FMNL2: variants seen among roughly 807,000 people sequenced by gnomAD.
The protein encoded by FMNL2 is formin like 2.
A neutral mutation model predicts 130.2 loss-of-function variants in FMNL2; 51 were observed. The observed-to-expected ratio is 0.39, with a 90% CI of 0.31 to 0.49. The LOEUF (loss-of-function observed/expected upper bound fraction) is 0.49, where lower values mean the gene tolerates loss of function less well. Ranked by LOEUF, FMNL2 falls within the 20% of genes least tolerant of loss-of-function variation. The probability of loss-of-function intolerance (pLI) is 0.85; values close to 1 mark genes in which losing one functional copy is unlikely to be tolerated. For synonymous variants in FMNL2, 465 were observed against 467.1 expected (o/e 1.00, Z 0.06); for missense variants, 977 against 1,316.2 (o/e 0.74, Z 3.99).
chr2:152,430,710 T>G (rs1302986469), intron 1 of FMNL2, among the ~76,000 whole-genome samples: 2 of 152,048 alleles, frequency 1.3e-5, no homozygotes, highest in Non-Finnish European at 2.9e-5. Context: ...TCGTCTCTAC[T>G]GAAATACAAA....
intron 21 of FMNL2, 130 bp from the exon 22 acceptor site, chr2:152,636,297 A>G: frequency 1.1e-6 from 1 of 877,976 alleles, no homozygotes; most frequent in Non-Finnish European, 1.7e-6. Flanking sequence ...TCTGTGCCAA[A>G]AGCTGGAAGC....
intron 1 of FMNL2, among the ~76,000 whole-genome samples, chr2:152,489,750 A>G (rs1171760923): frequency 6.6e-6 from 1 of 152,232 alleles, no homozygotes; most frequent in Admixed American, 6.5e-5. Flanking sequence ...CATTGATTAT[A>G]GTGAACACTT....
intron 1 of FMNL2, among the ~76,000 whole-genome samples, chr2:152,362,855 C>T (rs1683258236): frequency 6.6e-6 from 1 of 152,156 alleles, no homozygotes; most frequent in Non-Finnish European, 1.5e-5. Context: ...TATTTGGCCA[C>T]AGAAAGGAAT....
In FMNL2 at chr2:152,478,253, T is replaced by A. The variant is rs1225457026; in HGVS notation, c.118-43690T>A. 3.3e-3 allele frequency among the ~76,000 whole-genome samples: 368 copies of A among 110,786 alleles called. 1 individual carries two copies. Among genetic ancestry groups the A allele is most frequent in the African/African-American group, 0.012 (294 of 24,752 alleles). 72.7% of individuals were successfully genotyped at this position (110,786 alleles called of 152,430 possible). On this transcript the variant is annotated intron_variant, in intron 1 of 25. Transcript: ENST00000288670. Reference sequence around the variant, plus strand: ...ACATATATATATATATATATATATTTTTTTTTTTTTTTTTTGAGACAGAGT... The same window carrying A: ...ACATATATATATATATATATATATTATTTTTTTTTTTTTTTGAGACAGAGT...
In FMNL2 at chr2:152,514,543, C is replaced by G. The variant is rs531271926; in HGVS notation, c.118-7400C>G. ...TTTTGTACTATTTTATAGTAATCCT[C>G]CCATATCCGTGGGGGATACTTGTCA... On this transcript the variant is annotated intron_variant, in intron 1 of 25. Coordinates refer to ENST00000288670, the MANE Select transcript of FMNL2 (RefSeq NM_052905.4). Among the ~76,000 whole-genome samples, 7 of 152,232 alleles carry G rather than the reference C, an allele frequency of 4.6e-5. No individual in the cohort carries two copies. The South Asian group carries it at 1.4e-3, about 32-fold the overall frequency.
intron 13 of FMNL2, among the ~76,000 whole-genome samples, chr2:152,618,367 T>C (rs928239541): frequency 6.6e-6 from 1 of 152,208 alleles, no homozygotes; most frequent in African/African-American, 2.4e-5. Context: ...CAGCCCCTGG[T>C]TACTCATGAG....
At chr2:152,419,231 A>G (rs1349111824) in intron 1 of FMNL2, among the ~76,000 whole-genome samples, 2 of 152,160 alleles carry the variant, frequency 1.3e-5, no homozygotes, top group African/African-American at 4.8e-5. Context: ...ATGATGTTTG[A>G]ACTCAATGTG....
intron 9 of FMNL2, among the ~76,000 whole-genome samples, chr2:152,592,101 CA>C (rs889822421): frequency 2.0e-5 from 3 of 149,906 alleles, no homozygotes; most frequent in Non-Finnish European, 4.4e-5. Flanking sequence ...GACTTCGTCT[CA>C]AAAAAAAAGA....
At chr2:152,610,687 G>A (rs1033005692) in intron 10 of FMNL2, among the ~76,000 whole-genome samples, 15 of 152,102 alleles carry the variant, frequency 9.9e-5, no homozygotes, top group African/African-American at 1.9e-4. Context: ...TTTGTTTATC[G>A]ATTAATGGAC....
chr2:152,339,704 G>T (rs1681688066), intron 1 of FMNL2, among the ~76,000 whole-genome samples: 1 of 152,188 alleles, frequency 6.6e-6, no homozygotes, highest in Non-Finnish European at 1.5e-5. Context: ...TTTGGTATCT[G>T]ATTAATTTGA....
intron 1 of FMNL2, among the ~76,000 whole-genome samples, chr2:152,486,384 C>T (rs2105260597): frequency 6.6e-6 from 1 of 152,246 alleles, no homozygotes; most frequent in Middle Eastern, 3.4e-3. Flanking sequence ...GGTTAATAGA[C>T]AACTGGGGAC....
At chr2:152,647,330 T>C (rs145561612) in intron 25 of FMNL2, among the ~76,000 whole-genome samples, 147 of 152,338 alleles carry the variant, frequency 9.6e-4, no homozygotes, top group African/African-American at 3.4e-3. Flanking sequence ...AGAGCCCTTA[T>C]CTGCAAACTG....
At chr2:152,404,927 A>G (rs1379381658) in intron 1 of FMNL2, among the ~76,000 whole-genome samples, 1 of 152,196 alleles carries the variant, frequency 6.6e-6, no homozygotes, top group African/African-American at 2.4e-5. Flanking sequence ...GAGCCTCCCT[A>G]CAACAGGCCC....
rs537803514 is a variant in FMNL2, at chr2:152,596,093, G to T, written c.877-11246G>T. Among the ~76,000 whole-genome samples, 19 of 151,736 alleles carry T rather than the reference G, an allele frequency of 1.3e-4. No homozygotes were observed. In the East Asian group the frequency reaches 3.5e-3, roughly 28 times the overall value. On this transcript the variant is annotated intron_variant, in intron 9 of 25. Transcript: ENST00000288670. ...TTCTCCCGCCTCTGCCTCCAGAACG[G>T]CTGGGATTATAGGCATGTGCCACAA...
At chr2:152,593,176 A>G (rs1697528136) in intron 9 of FMNL2, among the ~76,000 whole-genome samples, 1 of 152,208 alleles carries the variant, frequency 6.6e-6, no homozygotes, top group African/African-American at 2.4e-5. Context: ...AAAACATGGC[A>G]AGAGGCAGGC....
intron 1 of FMNL2, among the ~76,000 whole-genome samples, chr2:152,420,737 A>G (rs1161503280): frequency 1.3e-5 from 2 of 152,184 alleles, no homozygotes; most frequent in South Asian, 2.1e-4. Flanking sequence ...AGTGATTTGA[A>G]TGGACCTGAG....
chr2:152,581,514 A>G (rs1201254728), intron 9 of FMNL2, among the ~76,000 whole-genome samples: 1 of 152,234 alleles, frequency 6.6e-6, no homozygotes, highest in African/African-American at 2.4e-5. Flanking sequence ...GCCAAACAAT[A>G]ATGCAACAGT....
At position 152,462,395 on chromosome 2, in the gene FMNL2, A is replaced by AG. The variant is rs201912064; in HGVS notation, c.118-59543dup. Among the ~76,000 whole-genome samples the AG allele has an allele frequency of 6.3e-3, 958 of 152,262 alleles. 13 individuals carry two copies. Among genetic ancestry groups the AG allele is most frequent in the African/African-American group, 0.022 (929 of 41,554 alleles). On this transcript the variant is annotated intron_variant, in intron 1 of 25. Transcript: ENST00000288670. ...AAACATTACTGCACACTGGAATTATAGGGGGATTTTTAAAAAAACCTCTGA... is the reference window on the plus strand; with the variant it reads ...AAACATTACTGCACACTGGAATTATAGGGGGGATTTTTAAAAAAACCTCTGA...
intron 2 of FMNL2, among the ~76,000 whole-genome samples, chr2:152,532,534 GC>G (rs1257855901): frequency 6.6e-6 from 1 of 151,638 alleles, no homozygotes; most frequent in Non-Finnish European, 1.5e-5. Flanking sequence ...CTTTTTATGT[GC>G]CTGTTTGACA....
Sources: gnomAD v4.1 joint callset for allele counts (sites outside exome capture counted in the v4.1 genomes callset) on GRCh38, gnomAD v4.1.1 for gene constraint, MANE v1.5 for transcripts, NCBI Gene and HGNC (gene_info 2026-07-23, HGNC 2026-07-21) for gene names.